The following TANC1 variants were observed in gnomAD, a reference collection of about 807,000 sequenced individuals.
TANC1 encodes tetratricopeptide repeat, ankyrin repeat and coiled-coil containing 1.
Under a neutral mutation model 149.7 loss-of-function variants are expected in TANC1, and 77 were observed. The ratio of observed to expected loss-of-function variants is 0.51; its 90% CI spans 0.43 to 0.62. TANC1 has a LOEUF of 0.62. Among genes scored for constraint, TANC1 ranks in the 20% least tolerant of loss-of-function variants. The probability of loss-of-function intolerance (pLI) is 0.00; values close to 1 mark genes in which losing one functional copy is unlikely to be tolerated. For missense variants in TANC1, 1,985 were observed against 2,321.8 expected, an observed-to-expected ratio of 0.85 and a Z score of 2.98; for synonymous variants, 854 against 925.0, an observed-to-expected ratio of 0.92 and a Z score of 1.39.
chr2:159,134,532 G>C (rs2050450276), intron 4 of TANC1, among the ~76,000 whole-genome samples: 2 of 152,112 alleles, frequency 1.3e-5, no homozygotes, highest in African/African-American at 2.4e-5. Context: ...GCCCAGGCTA[G>C]AGTGCAGTGG....
intron 18 of TANC1, among the ~76,000 whole-genome samples, chr2:159,198,347 T>C (rs1173906209): frequency 2.6e-5 from 4 of 152,076 alleles, no homozygotes; most frequent in Non-Finnish European, 5.9e-5. Flanking sequence ...CCACAAAGGG[T>C]GTGGGCTAGG....
At chr2:158,999,226 C>T (rs563981804) in intron 1 of TANC1, among the ~76,000 whole-genome samples, 6 of 152,152 alleles carry the variant, frequency 3.9e-5, no homozygotes, top group East Asian at 1.9e-4. Flanking sequence ...GATGGGCCCC[C>T]GAGGTACCAT....
intron 16 of TANC1, among the ~76,000 whole-genome samples, chr2:159,191,793 T>C (rs2057462146): frequency 1.3e-5 from 2 of 152,234 alleles, no homozygotes; most frequent in Non-Finnish European, 2.9e-5. Context: ...GAAGTTTTTA[T>C]GCCTTGTCAT....
At chr2:158,987,000 A>C (rs1273346319) in intron 1 of TANC1, among the ~76,000 whole-genome samples, 5 of 151,078 alleles carry the variant, frequency 3.3e-5, no homozygotes, top group African/African-American at 1.2e-4. Flanking sequence ...TGATAGCCTG[A>C]GGTTCTTGGT....
chr2:159,125,009 C>G lies in TANC1; in HGVS notation c.260-11185C>G, dbSNP rs867747610. ...CCTCCCACCTCAGCCTCACAAAGTG[C>G]TGGGATTTCAGGCGTGAGCCACCAT... On this transcript the variant is annotated intron_variant, in intron 4 of 26. Transcript: ENST00000263635. Among the ~76,000 whole-genome samples the G allele has an allele frequency of 5.9e-5, 9 of 152,298 alleles. No homozygotes were observed. The South Asian group carries it at 6.2e-4, about 11-fold the overall frequency.
chr2:159,040,895 G>A (rs1246409323), intron 2 of TANC1, among the ~76,000 whole-genome samples: 1 of 152,184 alleles, frequency 6.6e-6, no homozygotes, highest in Non-Finnish European at 1.5e-5. Context: ...CCATCTTTGT[G>A]GTTTATCTAC....
At chr2:159,157,924 A>G (rs546801074) in intron 7 of TANC1, among the ~76,000 whole-genome samples, 5 of 152,212 alleles carry the variant, frequency 3.3e-5, no homozygotes, top group Non-Finnish European at 5.9e-5. Flanking sequence ...TCTGCAACCC[A>G]GGGAAGGACA....
At chr2:159,214,145 G>GGGT (rs2059190659) in intron 19 of TANC1, among the ~76,000 whole-genome samples, 2 of 86,274 alleles carry the variant, frequency 2.3e-5, no homozygotes, top group Admixed American at 1.8e-4. Flanking sequence ...AAAAAAAGGG[G>GGGT]GAATTTAGTA....
At position 159,175,751 on chromosome 2, in the gene TANC1, G is replaced by A. The variant is rs531934620; in HGVS notation, c.1735+567G>A. ...ACTTGCCCACATGGCACCTCTGCTG[G>A]AAGGTGCTAGAGGGATAGAAAACAG... is the stretch of plus-strand genomic sequence containing the variant. On this transcript the variant is annotated intron_variant, in intron 12 of 26. Coordinates refer to ENST00000263635, the MANE Select transcript of TANC1 (RefSeq NM_033394.3). Among the ~76,000 whole-genome samples, 190 of 152,356 alleles carry A rather than the reference G, an allele frequency of 1.2e-3. 2 individuals are homozygous for A. Among genetic ancestry groups the A allele is most frequent in the Middle Eastern group, 0.01 (3 of 294 alleles).
At chr2:159,185,166 T>C (rs959100696) in intron 14 of TANC1, among the ~76,000 whole-genome samples, 5 of 152,222 alleles carry the variant, frequency 3.3e-5, no homozygotes, top group Non-Finnish European at 7.3e-5. Flanking sequence ...CTGTGTGTCA[T>C]TTAGAAACTA....
At chr2:159,115,705 C>T (rs145298111) in intron 4 of TANC1, among the ~76,000 whole-genome samples, 5 of 152,214 alleles carry the variant, frequency 3.3e-5, no homozygotes, top group South Asian at 2.1e-4. Flanking sequence ...GGAAGCTTGC[C>T]GAGCTCTAGC....
chr2:159,183,584 C>G (rs1191171724), intron 14 of TANC1, among the ~76,000 whole-genome samples: 2 of 152,002 alleles, frequency 1.3e-5, no homozygotes, highest in East Asian at 1.9e-4. Flanking sequence ...GAGGAGGGTC[C>G]TGGATCCTTA....
rs1553547848 is a variant in TANC1 at position 159,095,750 on chromosome 2, A to AT, written c.62-1887_62-1886insT. On this transcript the variant is annotated intron_variant, in intron 3 of 26. Coordinates refer to ENST00000263635, the MANE Select transcript of TANC1 (RefSeq NM_033394.3). The stretch of plus-strand genomic sequence containing the variant: ...GACTGTCTCAAAAAAAAAAAAAAAA[A>AT]AAAAAAGTAAGGCATGTACCTGTCC... Among the ~76,000 whole-genome samples, 175 of 151,678 alleles carry AT rather than the reference A, an allele frequency of 1.2e-3. 4 individuals are homozygous for AT. The East Asian group carries it at 0.033, about 29-fold the overall frequency.
At chr2:159,022,300 T>G (rs1305317490) in intron 2 of TANC1, among the ~76,000 whole-genome samples, 3 of 152,228 alleles carry the variant, frequency 2.0e-5, no homozygotes, top group African/African-American at 7.2e-5. Context: ...CAGTTCAGAA[T>G]ATGTAATACA....
intron 5 of TANC1, among the ~76,000 whole-genome samples, chr2:159,140,834 G>A (rs2051290055): frequency 6.6e-6 from 1 of 151,868 alleles, no homozygotes; most frequent in African/African-American, 2.4e-5. Flanking sequence ...GGGATTACAG[G>A]CACCCACCGC....
Position 159,059,888 on chromosome 2 carries a change from T to TTGTGTGTGTGTGTGTGTGTG in TANC1, c.-15-5985_-15-5966dup, listed in dbSNP as rs140659801. Among the ~76,000 whole-genome samples the TTGTGTGTGTGTGTGTGTGTG allele has an allele frequency of 1.3e-3, 152 of 114,808 alleles. 4 individuals are homozygous for TTGTGTGTGTGTGTGTGTGTG. Among genetic ancestry groups the TTGTGTGTGTGTGTGTGTGTG allele is most frequent in the Non-Finnish European group, 2.2e-3 (123 of 56,012 alleles). The allele number at this position is 114,808 out of a possible 152,430, so 75.3% of individuals were successfully genotyped here. On this transcript the variant is annotated intron_variant, in intron 2 of 26. Transcript: ENST00000263635. ...CCAGTGTACCATCTAGCAGACCTCTTTGTGTGTGTGTGTGTGTGTGTGTGT... is the reference window on the plus strand; with the variant it reads ...CCAGTGTACCATCTAGCAGACCTCTTTGTGTGTGTGTGTGTGTGTGTGTGTGTGTGTGTGTGTGTGTGTGT...
chr2:159,098,727 A>G (rs750576122), intron 4 of TANC1, among the ~76,000 whole-genome samples: 11 of 152,208 alleles, frequency 7.2e-5, no homozygotes, highest in African/African-American at 1.7e-4. Flanking sequence ...TTTTACACTT[A>G]ACATTACCCA....
intron 22 of TANC1, among the ~76,000 whole-genome samples, chr2:159,220,779 A>G (rs2059659411): frequency 6.6e-6 from 1 of 151,688 alleles, no homozygotes; most frequent in South Asian, 2.1e-4. Context: ...ACGGTTTTTC[A>G]CCATGTTGCC....
intron 19 of TANC1, among the ~76,000 whole-genome samples, chr2:159,210,277 G>C (rs534698565): frequency 2.0e-5 from 3 of 152,186 alleles, no homozygotes; most frequent in Non-Finnish European, 4.4e-5. Flanking sequence ...GCAAATGTGG[G>C]TGGGAATACA....
Sources: allele counts gnomAD v4.1 joint callset (sites outside exome capture counted in the v4.1 genomes callset), GRCh38; gene constraint gnomAD v4.1.1; transcripts MANE v1.5; gene names NCBI Gene and HGNC (gene_info 2026-07-23, HGNC 2026-07-21).